Variants in FCHO2 observed in about 807,000 individuals in gnomAD.
FCHO2 encodes FCH and mu domain containing endocytic adaptor 2.
In FCHO2, 43 loss-of-function variants were observed where a neutral mutation model predicts 114.1. The observed-to-expected ratio is 0.38, with a 90% CI of 0.30 to 0.49. The LOEUF is 0.49. Among genes scored for constraint, FCHO2 ranks in the 20% least tolerant of loss-of-function variants. FCHO2 has a pLI of 0.97. For synonymous variants in FCHO2, 293 were observed against 315.2 expected (o/e 0.93, Z 0.75); for missense variants, 807 against 950.4 (o/e 0.85, Z 1.98).
At chr5:73,010,101 T>C (rs1006050208) in intron 6 of FCHO2, among the ~76,000 whole-genome samples, 1 of 152,172 alleles carries the variant, frequency 6.6e-6, no homozygotes, top group African/African-American at 2.4e-5. Flanking sequence ...TCCACTTAAC[T>C]GTTTTTCCAG....
At chr5:73,068,589 A>G (rs1185612331) in intron 18 of FCHO2, 61 bp from the exon 19 acceptor site, 4 of 1,554,898 alleles carry the variant, frequency 2.6e-6, no homozygotes, top group Admixed American at 3.9e-5. Flanking sequence ...ATACTTAAAA[A>G]TCTTCTCTAA....
intron 5 of FCHO2, among the ~76,000 whole-genome samples, chr5:72,992,505 A>C (rs997853769): frequency 2.0e-5 from 3 of 152,238 alleles, no homozygotes; most frequent in Non-Finnish European, 4.4e-5. Flanking sequence ...TAAAGTAGGC[A>C]GTGGGATTTG....
chr5:72,998,903 C>T (rs1170495327), intron 5 of FCHO2, among the ~76,000 whole-genome samples: 1 of 151,346 alleles, frequency 6.6e-6, no homozygotes, highest in Non-Finnish European at 1.5e-5. Context: ...TCATAGCTCA[C>T]TGCAGCCTGG....
intron 2 of FCHO2, among the ~76,000 whole-genome samples, chr5:72,970,471 T>C (rs1378334524): frequency 6.6e-6 from 1 of 151,904 alleles, no homozygotes; most frequent in East Asian, 1.9e-4. Flanking sequence ...TGCCTACTTA[T>C]TCTTTTTTTT....
At chr5:73,068,296 CTTATAT>C (rs1436162012) in intron 18 of FCHO2, among the ~76,000 whole-genome samples, 7 of 151,912 alleles carry the variant, frequency 4.6e-5, no homozygotes, top group East Asian at 1.9e-4. Flanking sequence ...AAATAATTTT[CTTATAT>C]TTATAGTCAG....
Position 73,058,490 on chromosome 5 carries a change from ATCT to A in FCHO2, c.1317_1319del (p.Ser442del), listed in dbSNP as rs1396368936. 3 of 1,531,924 alleles carry A rather than the reference ATCT, an allele frequency of 2.0e-6. No homozygotes were observed. The highest frequency in any genetic ancestry group is 2.7e-6 in the Non-Finnish European group (3 of 1,122,270). The allele number at this position is 1,531,924 out of a possible 1,614,324, so 94.9% of individuals were successfully genotyped here. A position where few individuals can be genotyped will look rare whatever the true frequency, so the allele number is the denominator to read the frequency against. ...CCCTATTTGGACCATCTCTTGATTC[ATCT>A]TCTTCATCTTCACTAACTTCATCAT... On this transcript the variant is annotated inframe_deletion, in exon 17 of 26. Transcript: ENST00000430046.
At chr5:73,001,702 C>T (rs1012282760) in intron 5 of FCHO2, among the ~76,000 whole-genome samples, 6 of 151,886 alleles carry the variant, frequency 4.0e-5, no homozygotes, top group Middle Eastern at 6.8e-3. Flanking sequence ...AATCCCAGCA[C>T]TTTGGGAGGC....
intron 1 of FCHO2, among the ~76,000 whole-genome samples, chr5:72,957,345 A>T (rs879768895): frequency 6.6e-6 from 1 of 152,182 alleles, no homozygotes; most frequent in Admixed American, 6.5e-5. Flanking sequence ...TCGTTATCCC[A>T]GAAAGAATCC....
At chr5:73,027,153 A>G (rs1015083467) in intron 8 of FCHO2, among the ~76,000 whole-genome samples, 5 of 150,690 alleles carry the variant, frequency 3.3e-5, no homozygotes, top group Non-Finnish European at 7.4e-5. Context: ...CTAATTTTGT[A>G]TATCTTTTTA....
In FCHO2 at chr5:72,989,466, A is replaced by T. The variant is rs765911995; in HGVS notation, c.165A>T (p.Lys55Asn). The T allele has an allele frequency of 6.2e-7, 1 of 1,607,318 alleles. No individual in the cohort carries two copies. Residue 55 changes from lysine (K) to asparagine (N), a missense_variant, in exon 3 of 26, where the codon AAA becomes AAT. Coordinates refer to ENST00000430046, the MANE Select transcript of FCHO2 (RefSeq NM_138782.3). ...IEEAYSRSMT[K>N]LAKSASNYSQ... ...AGGCATACTCCAGGTCAATGACAAA[A>T]CTAGCAAAATCTGCAAGCAATTATT...
intron 8 of FCHO2, chr5:73,020,704 A>G: frequency 8.2e-7 from 1 of 1,220,450 alleles, no homozygotes; most frequent in Non-Finnish European, 1.2e-6. Flanking sequence ...CCTTTAGTGA[A>G]GAAATTGGAT....
chr5:73,058,165 C>T (rs1171270109), intron 16 of FCHO2, among the ~76,000 whole-genome samples: 1 of 151,860 alleles, frequency 6.6e-6, no homozygotes, highest in African/African-American at 2.4e-5. Flanking sequence ...CACCACCAAG[C>T]CAGGCTAATT....
At chr5:72,990,100 G>A (rs1485252621) in intron 3 of FCHO2, among the ~76,000 whole-genome samples, 2 of 151,818 alleles carry the variant, frequency 1.3e-5, no homozygotes, top group Admixed American at 6.6e-5. Context: ...TTTTGATGAA[G>A]TATTTTAAAT....
rs546961032 is a variant in FCHO2, at chr5:72,998,215, C to T, written c.495+7351C>T. Among the ~76,000 whole-genome samples the T allele has an allele frequency of 3.3e-5, 5 of 152,128 alleles. No homozygotes were observed. In the East Asian group the frequency reaches 7.8e-4, roughly 24 times the overall value. On this transcript the variant is annotated intron_variant, in intron 5 of 25. Transcript: ENST00000430046. The stretch of plus-strand genomic sequence containing the variant: ...TTACTTTAAAAAATGTGGTCAGGCG[C>T]GGTGGCTCACACCTGTAATCCCAGC...
chr5:72,969,877 CT>C (rs1185874847), intron 2 of FCHO2, among the ~76,000 whole-genome samples: 3 of 152,018 alleles, frequency 2.0e-5, no homozygotes, highest in Non-Finnish European at 4.4e-5. Flanking sequence ...GGATTTTTGT[CT>C]TTTTTTGCTT....
chr5:73,014,578 G>A (rs565434817), intron 6 of FCHO2, among the ~76,000 whole-genome samples: 2 of 152,076 alleles, frequency 1.3e-5, no homozygotes, highest in South Asian at 2.1e-4. Flanking sequence ...GTGAGCCACC[G>A]TGCCCGGTGT....
At position 73,087,764 on chromosome 5, in the gene FCHO2, A is replaced by C; in HGVS notation, c.2410+11A>C. On this transcript the variant is annotated intron_variant, in intron 25 of 25. Transcript: ENST00000430046. ...AGCGGTTTGCTACTGGTAAGTTAGG[A>C]GATTTCAAACTTTTTAATGTACATG... 1 of 1,553,340 alleles carries C rather than the reference A, an allele frequency of 6.4e-7. No individual in the cohort carries two copies. Among genetic ancestry groups the C allele is most frequent in the Non-Finnish European group, 8.7e-7 (1 of 1,154,302 alleles).
intron 5 of FCHO2, among the ~76,000 whole-genome samples, chr5:72,991,386 G>A (rs546791676): frequency 6.6e-6 from 1 of 152,286 alleles, no homozygotes; most frequent in South Asian, 2.1e-4. Context: ...TTTTTTAAAT[G>A]TCAGTGACAC....
Position 73,034,385 on chromosome 5 carries a change from G to A in FCHO2, c.797-272G>A, listed in dbSNP as rs1756388054. Reference sequence around the variant, plus strand: ...GAAACTGCATATTCTTGTGTCTCTAGTTTTGTGGCATCATATGTAATTGGT... The same window carrying A: ...GAAACTGCATATTCTTGTGTCTCTAATTTTGTGGCATCATATGTAATTGGT... On this transcript the variant is annotated intron_variant, in intron 8 of 25. Coordinates refer to ENST00000430046, the MANE Select transcript of FCHO2 (RefSeq NM_138782.3). 5 of 294,344 alleles carry A rather than the reference G, an allele frequency of 1.7e-5. No individual in the cohort carries two copies. The South Asian group carries it at 2.5e-4, about 15-fold the overall frequency. 18.2% of individuals were successfully genotyped at this position (294,344 alleles called of 1,614,324 possible).
Sources: gnomAD v4.1 joint callset for allele counts (sites outside exome capture counted in the v4.1 genomes callset) on GRCh38, gnomAD v4.1.1 for gene constraint, MANE v1.5 for transcripts, NCBI Gene and HGNC (gene_info 2026-07-23, HGNC 2026-07-21) for gene names.